LHFPL3: variants seen among roughly 807,000 people sequenced by gnomAD.
LHFPL3 encodes the protein LHFPL tetraspan subfamily member 3 protein.
A neutral mutation model predicts 19.3 loss-of-function variants in LHFPL3; 5 were observed. The observed-to-expected ratio is 0.26, with a 90% CI of 0.14 to 0.54. The LOEUF (loss-of-function observed/expected upper bound fraction) is 0.54, where lower values mean the gene tolerates loss of function less well. Among genes scored for constraint, LHFPL3 ranks in the 20% least tolerant of loss-of-function variants. LHFPL3 has a pLI of 0.94. For missense variants in LHFPL3, 249 were observed against 307.4 expected (o/e 0.81, Z 1.42); for synonymous variants, 133 against 126.2 (o/e 1.05, Z -0.36).
chr7:104,669,203 G>C, intron 1 of LHFPL3: 1 of 1,613,952 alleles, frequency 6.2e-7, no homozygotes, highest in Admixed American at 1.7e-5. Flanking sequence ...GTGAAGCGAA[G>C]TTCTAACCCT....
At chr7:104,739,801 C>A (rs1793898667) in intron 2 of LHFPL3, among the ~76,000 whole-genome samples, 1 of 152,174 alleles carries the variant, frequency 6.6e-6, no homozygotes, top group Admixed American at 6.5e-5. Context: ...TGTCATATCT[C>A]AAGACTTGGC....
At chr7:104,773,160 T>C (rs1023151232) in intron 2 of LHFPL3, among the ~76,000 whole-genome samples, 2 of 152,188 alleles carry the variant, frequency 1.3e-5, no homozygotes, top group African/African-American at 4.8e-5. Flanking sequence ...AGAAGTCCCC[T>C]GGTGGGGGTC....
rs113611808 is a variant in LHFPL3, at chr7:104,419,968, AAAC to A, written c.445+90765_445+90767del. On this transcript the variant is annotated intron_variant, in intron 1 of 2. Transcript: ENST00000424859. Reference sequence around the variant, plus strand: ...CTCCCAGAGTTAAAAACAAACAAACAAACAACAACAACAACAACAACAAAAAAC... The same window carrying A: ...CTCCCAGAGTTAAAAACAAACAAACAAACAACAACAACAACAACAAAAAAC... Among the ~76,000 whole-genome samples the A allele has an allele frequency of 9.2e-4, 140 of 152,136 alleles. No individual in the cohort carries two copies. The South Asian group carries it at 0.011, about 12-fold the overall frequency.
intron 1 of LHFPL3, among the ~76,000 whole-genome samples, chr7:104,634,477 A>C (rs2115862738): frequency 6.6e-6 from 1 of 152,286 alleles, no homozygotes; most frequent in Non-Finnish European, 1.5e-5. Flanking sequence ...CTCCAAATAC[A>C]GTCACATTAG....
intron 1 of LHFPL3, among the ~76,000 whole-genome samples, chr7:104,709,662 CTCTT>C (rs1395616783): frequency 6.6e-6 from 1 of 151,726 alleles, no homozygotes; most frequent in East Asian, 1.9e-4. Flanking sequence ...AATCTGATCT[CTCTT>C]TCTTTTCCCC....
At chr7:104,580,033 G>T (rs1584415187) in intron 1 of LHFPL3, among the ~76,000 whole-genome samples, 1 of 152,090 alleles carries the variant, frequency 6.6e-6, no homozygotes, top group East Asian at 1.9e-4. Flanking sequence ...TTGAATATAA[G>T]AACTTTCAAT....
At chr7:104,381,635 G>C (rs1790831468) in intron 1 of LHFPL3, among the ~76,000 whole-genome samples, 2 of 151,848 alleles carry the variant, frequency 1.3e-5, no homozygotes, top group African/African-American at 4.8e-5. Flanking sequence ...TGGATATAAA[G>C]TTGTGAGTAA....
At chr7:104,574,988 A>G (rs1790298324) in intron 1 of LHFPL3, among the ~76,000 whole-genome samples, 1 of 152,254 alleles carries the variant, frequency 6.6e-6, no homozygotes, top group Non-Finnish European at 1.5e-5. Context: ...GAGTTTCACT[A>G]GACAATGGTA....
At chr7:104,628,861 A>G (rs1791591545) in intron 1 of LHFPL3, among the ~76,000 whole-genome samples, 1 of 152,168 alleles carries the variant, frequency 6.6e-6, no homozygotes, top group Non-Finnish European at 1.5e-5. Flanking sequence ...TAATTTTTGG[A>G]GGCCACATTG....
chr7:104,441,232 C>T (rs1792218463), intron 1 of LHFPL3, among the ~76,000 whole-genome samples: 1 of 152,186 alleles, frequency 6.6e-6, no homozygotes. Flanking sequence ...CACCATTCTA[C>T]TCTCTGCTTC....
chr7:104,454,613 ACT>A (rs1792504986), intron 1 of LHFPL3, among the ~76,000 whole-genome samples: 1 of 151,928 alleles, frequency 6.6e-6, no homozygotes, highest in African/African-American at 2.4e-5. Flanking sequence ...CTTCTGTGAG[ACT>A]CTGTCTTCAC....
chr7:104,398,132 A>G (rs1173130713), intron 1 of LHFPL3, among the ~76,000 whole-genome samples: 2 of 151,734 alleles, frequency 1.3e-5, no homozygotes, highest in Non-Finnish European at 2.9e-5. Context: ...ACACCTACGT[A>G]AAATCTTCCT....
chr7:104,617,084 A>G (rs1349969332), intron 1 of LHFPL3, among the ~76,000 whole-genome samples: 1 of 152,172 alleles, frequency 6.6e-6, no homozygotes, highest in African/African-American at 2.4e-5. Flanking sequence ...ATTGTGGAAG[A>G]CAGTGCGGCG....
intron 2 of LHFPL3, among the ~76,000 whole-genome samples, chr7:104,755,143 A>G (rs1039790372): frequency 2.0e-5 from 3 of 152,124 alleles, no homozygotes; most frequent in Non-Finnish European, 4.4e-5. Context: ...GCTTTGCCCC[A>G]CATGTCTCTC....
Position 104,787,794 on chromosome 7 carries a change from C to T in LHFPL3, c.682+50883C>T, listed in dbSNP as rs191076057. 2.0e-3 allele frequency among the ~76,000 whole-genome samples: 309 copies of T among 152,274 alleles called. 2 individuals carry two copies. The highest frequency in any genetic ancestry group is 7.1e-3 in the African/African-American group (295 of 41,550). ...ACTCCTGGGTTCCTCCTGCCTTAGC[C>T]TCCCAGAGTGCTGGGATTACAGGTG... On this transcript the variant is annotated intron_variant, in intron 2 of 2. Coordinates refer to ENST00000424859, the MANE Select transcript of LHFPL3 (RefSeq NM_199000.3).
intron 1 of LHFPL3, among the ~76,000 whole-genome samples, chr7:104,622,679 G>A (rs1791469678): frequency 6.6e-6 from 1 of 152,102 alleles, no homozygotes; most frequent in African/African-American, 2.4e-5. Flanking sequence ...TTCTAGACTT[G>A]AATCATGCAA....
intron 2 of LHFPL3, among the ~76,000 whole-genome samples, chr7:104,772,917 T>TAACA (rs1794578002): frequency 6.6e-6 from 1 of 152,260 alleles, no homozygotes; most frequent in South Asian, 2.1e-4. Flanking sequence ...GGAGTGCTGT[T>TAACA]AACAGCGCTG....
chr7:104,871,042 T>C lies in LHFPL3; in HGVS notation c.683-35145T>C, dbSNP rs58436549. On this transcript the variant is annotated intron_variant, in intron 2 of 2. Coordinates refer to ENST00000424859, the MANE Select transcript of LHFPL3 (RefSeq NM_199000.3). ...TGACTGAGGGTCAACCTAACTGACC[T>C]AGTTTCGCTAAGCTATTCAAATACA... Among the ~76,000 whole-genome samples, 884 of 152,312 alleles carry C rather than the reference T, an allele frequency of 5.8e-3. 12 individuals are homozygous for C. The highest frequency in any genetic ancestry group is 0.02 in the African/African-American group (850 of 41,572).
At chr7:104,380,604 C>G (rs1790808226) in intron 1 of LHFPL3, among the ~76,000 whole-genome samples, 1 of 151,922 alleles carries the variant, frequency 6.6e-6, no homozygotes, top group Admixed American at 6.6e-5. Flanking sequence ...TTCAGGAAAC[C>G]ATTAAGTAAG....
Sources: allele counts gnomAD v4.1 joint callset (sites outside exome capture counted in the v4.1 genomes callset), GRCh38; gene constraint gnomAD v4.1.1; transcripts MANE v1.5; gene names NCBI Gene and HGNC (gene_info 2026-07-23, HGNC 2026-07-21).